SHISA9: variants seen among roughly 807,000 people sequenced by gnomAD.
SHISA9 encodes protein shisa-9.
In SHISA9, 13 loss-of-function variants were observed where a neutral mutation model predicts 38.0. That is an observed-to-expected ratio of 0.34 (90% confidence interval 0.22 to 0.54). The LOEUF is 0.54. Among genes scored for constraint, SHISA9 ranks in the 20% least tolerant of loss-of-function variants. SHISA9 has a pLI of 0.91. For missense variants in SHISA9, 538 were observed against 575.8 expected (o/e 0.93, Z 0.67); for synonymous variants, 275 against 242.0 (o/e 1.14, Z -1.27).
At chr16:13,360,156 T>A in the SHISA9 span, among the ~76,000 whole-genome samples, 1 of 152,226 alleles carries the variant, frequency 6.6e-6, no homozygotes, top group African/African-American at 2.4e-5. Flanking sequence ...ATTCTACAGT[T>A]ACTTAAGAGA....
At chr16:13,031,614 A>AG (rs75463278) in intron 2 of SHISA9, among the ~76,000 whole-genome samples, 4,034 of 152,268 alleles carry the variant, frequency 0.026, 113 homozygotes, top group East Asian at 0.12. Context: ...TGTGAGCACT[A>AG]GAGTCTGACA....
intron 2 of SHISA9, among the ~76,000 whole-genome samples, chr16:13,042,802 T>A (rs1501315): frequency 0.78 from 118,211 of 152,078 alleles, 46,423 homozygotes; most frequent in African/African-American, 0.89. Context: ...ACTTGTTTAT[T>A]GTCGGTCTCC....
In SHISA9 at chr16:12,902,322, G is replaced by A. The variant is rs115472472; in HGVS notation, c.258G>A (p.Pro86=). The change falls in exon 1 of 5, where the codon CCG becomes CCA. Residue 86 remains proline (P), a synonymous_variant. Coordinates refer to ENST00000558583, the MANE Select transcript of SHISA9 (RefSeq NM_001145204.3). ...GYFDVMGQWD[P]PFNCSSGDFI... ...TCGATGTCATGGGCCAGTGGGACCC[G>A]CCGTTCAACTGCAGCTCGGGCGACT... The A allele has an allele frequency of 5.0e-3, 7,768 of 1,551,190 alleles. 334 individuals carry two copies. In the African/African-American group the frequency reaches 0.092, roughly 18 times the overall value.
In SHISA9 at chr16:13,130,170, C is replaced by T. The variant is rs150622880; in HGVS notation, c.692-73224C>T. 6.5e-3 allele frequency among the ~76,000 whole-genome samples: 983 copies of T among 152,244 alleles called. 9 individuals carry two copies. Among genetic ancestry groups the T allele is most frequent in the African/African-American group, 0.022 (914 of 41,554 alleles). The stretch of plus-strand genomic sequence containing the variant: ...GTCTGGTGACTATCATGGGTCCTGG[C>T]ACACAATGGGACATCAATATGACAT... On this transcript the variant is annotated intron_variant, in intron 2 of 4. Transcript: ENST00000558583.
chr16:13,029,600 C>A (rs2072966768), intron 2 of SHISA9, among the ~76,000 whole-genome samples: 1 of 152,108 alleles, frequency 6.6e-6, no homozygotes, highest in Admixed American at 6.5e-5. Context: ...AGAATGAGAC[C>A]CTGTCTAAAC....
At chr16:13,540,411 G>A in the SHISA9 span, among the ~76,000 whole-genome samples, 5 of 152,280 alleles carry the variant, frequency 3.3e-5, no homozygotes, top group South Asian at 1.0e-3. Flanking sequence ...ATCAGGAGTT[G>A]GTATATAAAT....
At chr16:12,908,774 C>T in intron 1 of SHISA9, 1 of 1,389,106 alleles carries the variant, frequency 7.2e-7, no homozygotes, top group Non-Finnish European at 9.3e-7. Context: ...GCCCAGACGT[C>T]TTGGTGGAGG....
chr16:12,979,819 A>G (rs992719856), intron 2 of SHISA9, among the ~76,000 whole-genome samples: 3 of 152,172 alleles, frequency 2.0e-5, no homozygotes, highest in Non-Finnish European at 2.9e-5. Context: ...TCAAAAATAG[A>G]TGCCTGTATT....
chr16:13,216,613 T>C (rs2051171863), intron 4 of SHISA9, among the ~76,000 whole-genome samples: 1 of 152,162 alleles, frequency 6.6e-6, no homozygotes, highest in African/African-American at 2.4e-5. Context: ...GTGGCATGAA[T>C]GTTGCTGGGA....
chr16:12,927,778 T>C (rs2071411093), intron 2 of SHISA9, among the ~76,000 whole-genome samples: 1 of 152,020 alleles, frequency 6.6e-6, no homozygotes, highest in African/African-American at 2.4e-5. Flanking sequence ...CATAGATCTG[T>C]CCCCGGTGCT....
chr16:13,448,521 G>A, the SHISA9 span, among the ~76,000 whole-genome samples: 2 of 152,278 alleles, frequency 1.3e-5, no homozygotes, highest in East Asian at 1.9e-4. Flanking sequence ...AGAGGTGAAC[G>A]GACCGTACTC....
chr16:13,111,955 G>A (rs540661468), intron 2 of SHISA9, among the ~76,000 whole-genome samples: 4 of 152,254 alleles, frequency 2.6e-5, no homozygotes, highest in African/African-American at 9.6e-5. Flanking sequence ...GAGAGGTTAG[G>A]AAACTTGCCT....
chr16:13,334,208 C>T, the SHISA9 span, among the ~76,000 whole-genome samples: 2 of 152,148 alleles, frequency 1.3e-5, no homozygotes, highest in South Asian at 4.1e-4. Context: ...TTGGATTCCT[C>T]CTTTCTGGGA....
chr16:13,191,357 C>T (rs1436409329), intron 2 of SHISA9, among the ~76,000 whole-genome samples: 1 of 152,166 alleles, frequency 6.6e-6, no homozygotes, highest in African/African-American at 2.4e-5. Flanking sequence ...AATTCTGAGC[C>T]CAGAGAGGAC....
chr16:13,042,557 G>A (rs921594509), intron 2 of SHISA9, among the ~76,000 whole-genome samples: 1 of 152,180 alleles, frequency 6.6e-6, no homozygotes, highest in African/African-American at 2.4e-5. Flanking sequence ...TGAATTGAGT[G>A]TCTAATTTTT....
intron 2 of SHISA9, among the ~76,000 whole-genome samples, chr16:12,937,375 A>C (rs1201617486): frequency 6.6e-6 from 1 of 152,208 alleles, no homozygotes; most frequent in Non-Finnish European, 1.5e-5. Flanking sequence ...CAACCACTGT[A>C]ATAAGTTTAT....
intron 2 of SHISA9, among the ~76,000 whole-genome samples, chr16:13,045,400 C>T (rs1038573986): frequency 1.3e-5 from 2 of 152,138 alleles, no homozygotes; most frequent in Non-Finnish European, 1.5e-5. Flanking sequence ...GCTCACACCC[C>T]TCTGATAAAT....
At chr16:13,277,201 C>T in the SHISA9 span, among the ~76,000 whole-genome samples, 1 of 151,920 alleles carries the variant, frequency 6.6e-6, no homozygotes, top group African/African-American at 2.4e-5. Flanking sequence ...ATTCTATTTG[C>T]TTTGTTGAAG....
At chr16:13,474,281 C>A in the SHISA9 span, 3 of 151,854 alleles carry the variant, frequency 2.0e-5, no homozygotes, top group South Asian at 4.2e-4. Flanking sequence ...GCCTGGAGGA[C>A]CTCCCCGATC....
Sources: gnomAD v4.1 joint callset for allele counts (sites outside exome capture counted in the v4.1 genomes callset) on GRCh38, gnomAD v4.1.1 for gene constraint, MANE v1.5 for transcripts, NCBI Gene and HGNC (gene_info 2026-07-23, HGNC 2026-07-21) for gene names.